IDUA: variants seen among roughly 807,000 people sequenced by gnomAD.
IDUA encodes the protein alpha-L-iduronidase.
In IDUA, 65 loss-of-function variants were observed where a neutral mutation model predicts 68.9. The observed-to-expected ratio is 0.94, with a 90% CI of 0.77 to 1.16. The LOEUF (loss-of-function observed/expected upper bound fraction) is 1.16, where lower values mean the gene tolerates loss of function less well. Among genes scored for constraint, IDUA ranks in the 50% most tolerant of loss-of-function variants. The pLI, the probability that IDUA is intolerant of heterozygous loss-of-function variation, is 0.00. For synonymous variants in IDUA, 529 were observed against 433.6 expected (o/e 1.22, Z -2.73); for missense variants, 1,046 against 938.0 (o/e 1.12, Z -1.50).
chr4:987,111 G>T lies in IDUA; in HGVS notation c.27G>T (p.Ala9=). 1 of 1,445,646 alleles carries T rather than the reference G, an allele frequency of 6.9e-7. No individual in the cohort carries two copies. The highest frequency in any genetic ancestry group is 2.5e-5 in the Admixed American group (1 of 39,448). 89.6% of individuals were successfully genotyped at this position (1,445,646 alleles called of 1,614,324 possible). The change falls in exon 1 of 14, where the codon GCG becomes GCT. Residue 9 remains alanine, a synonymous_variant. Coordinates refer to ENST00000514224, the MANE Select transcript of IDUA (RefSeq NM_000203.5). The part of the protein sequence containing the change: MRPLRPRA[A]LLALLASLLA... ...TGCGTCCCCTGCGCCCCCGCGCCGC[G>T]CTGCTGGCGCTCCTGGCCTCGCTCC...
At chr4:991,356 G>T (rs1276572099) in intron 2 of IDUA, 4 of 1,612,794 alleles carry the variant, frequency 2.5e-6, no homozygotes, top group Non-Finnish European at 3.4e-6. Context: ...GCCGTGAGGT[G>T]CCCATGAGGA....
rs748489351 is a variant in IDUA, at chr4:1,002,701, C to G, written c.1190-31C>G. 1,169 of 1,413,764 alleles carry G rather than the reference C, an allele frequency of 8.3e-4. 2 individuals are homozygous for G. The highest frequency in any genetic ancestry group is 8.4e-4 in the Non-Finnish European group (895 of 1,060,002). 87.6% of individuals were successfully genotyped at this position (1,413,764 alleles called of 1,614,324 possible). ...TCGGGGGGCGGCTGGGCAACGACCC[C>G]ACGCGGCGACGGCCCCCCCCCGCCC... On this transcript the variant is annotated intron_variant, in intron 8 of 13. Transcript: ENST00000514224.
At chr4:991,884 C>A in intron 2 of IDUA, 1 of 1,392,926 alleles carries the variant, frequency 7.2e-7, no homozygotes, top group Non-Finnish European at 9.8e-7. Flanking sequence ...CGGGCCCCAG[C>A]CCCCTGCCCG....
intron 2 of IDUA, chr4:999,872 G>A (rs372712494): frequency 1.3e-4 from 11 of 84,540 alleles, no homozygotes; most frequent in African/African-American, 3.9e-4. Flanking sequence ...TGCAGGCCTC[G>A]TGGGAATTCA....
At chr4:993,927 T>C (rs572108854) in intron 2 of IDUA, among the ~76,000 whole-genome samples, 109 of 152,294 alleles carry the variant, frequency 7.2e-4, no homozygotes, top group African/African-American at 2.6e-3. Flanking sequence ...GGGCGAGGAC[T>C]GCCGGGGTCA....
At chr4:1,000,789 C>T (rs1715024789) in intron 3 of IDUA, 92 bp downstream of exon 3, 1 of 1,459,984 alleles carries the variant, frequency 6.8e-7, no homozygotes, top group African/African-American at 1.4e-5. Context: ...CCTTGGATGT[C>T]CATTCAGGGC....
intron 2 of IDUA, chr4:990,983 C>T: frequency 1.2e-6 from 1 of 865,660 alleles, no homozygotes; most frequent in Non-Finnish European, 1.7e-6. Context: ...CCCCGGCACG[C>T]CCCAGCTCTG....
At chr4:989,930 G>C (rs1279070268) in intron 2 of IDUA, 2 of 1,558,248 alleles carry the variant, frequency 1.3e-6, no homozygotes, top group Non-Finnish European at 1.7e-6. Flanking sequence ...CGCTGCATCA[G>C]CCTGGGCTCT....
intron 4 of IDUA, 119 bp downstream of exon 4, chr4:1,001,108 C>A: frequency 1.3e-6 from 1 of 749,910 alleles, no homozygotes; most frequent in East Asian, 2.7e-5. Flanking sequence ...GGCGCAGGCC[C>A]TTGTGGGGGG....
At chr4:988,492 G>A in intron 2 of IDUA, 1 of 1,134,802 alleles carries the variant, frequency 8.8e-7, no homozygotes, top group South Asian at 3.1e-5. Context: ...CTTGGAGGCT[G>A]CATGATGGCG....
chr4:987,754 C>T (rs558717840), intron 1 of IDUA, 55 bp from the exon 2 acceptor site: 9 of 1,607,978 alleles, frequency 5.6e-6, no homozygotes, highest in South Asian at 1.1e-5. Flanking sequence ...GTGTGTCAGC[C>T]GCGCTGCCAG....
intron 2 of IDUA, among the ~76,000 whole-genome samples, chr4:995,562 T>C (rs1714696447): frequency 6.6e-6 from 1 of 152,182 alleles, no homozygotes; most frequent in African/African-American, 2.4e-5. Flanking sequence ...CCTGGCACCT[T>C]GGGCAGCCTG....
In IDUA at chr4:1,000,607, T is replaced by C. The variant is rs760649049; in HGVS notation, c.300-5T>C. ...TGCTTCCTGACGCTGACCGTCCTTC[T>C]GCAGGGGGTCCACTGGACGGGGCCT... On this transcript the variant is annotated splice_polypyrimidine_tract_variant and splice_region_variant and intron_variant, in intron 2 of 13. Coordinates refer to ENST00000514224, the MANE Select transcript of IDUA (RefSeq NM_000203.5). 3.1e-6 allele frequency: 5 copies of C among 1,610,764 alleles called. No individual in the cohort carries two copies. Among genetic ancestry groups the C allele is most frequent in the Non-Finnish European group, 4.2e-6 (5 of 1,178,202 alleles).
chr4:997,769 C>A (rs985807551), intron 2 of IDUA, among the ~76,000 whole-genome samples: 2 of 152,152 alleles, frequency 1.3e-5, no homozygotes, highest in Non-Finnish European at 2.9e-5. Flanking sequence ...GGCCCTCGGG[C>A]CTGTGGACTG....
rs1278153200 is a variant in IDUA at position 1,000,896 on chromosome 4, G to T, written c.400G>T (p.Gly134Cys). The change falls in exon 4 of 14, where the codon GGC becomes TGC. Residue 134 changes from glycine to cysteine, a missense_variant. Coordinates refer to ENST00000514224, the MANE Select transcript of IDUA (RefSeq NM_000203.5). The part of the protein sequence containing the change: ...NQLLPGFELM[G>C]SASGHFTDFE... Reference sequence around the variant, plus strand: ...CTGTGTTCCAGGGTTTGAGCTGATGGGCAGCGCCTCGGGCCACTTCACTGA... The same window carrying T: ...CTGTGTTCCAGGGTTTGAGCTGATGTGCAGCGCCTCGGGCCACTTCACTGA... 1 of 1,613,152 alleles carries T rather than the reference G, an allele frequency of 6.2e-7. No individual in the cohort carries two copies. The highest frequency in any genetic ancestry group is 8.5e-7 in the Non-Finnish European group (1 of 1,179,874).
chr4:1,003,904 G>A, intron 12 of IDUA, 108 bp from the exon 13 acceptor site: 3 of 987,766 alleles, frequency 3.0e-6, no homozygotes, highest in South Asian at 1.3e-5. Context: ...AGGTGCCGCC[G>A]AGGGGCTTGA....
intron 2 of IDUA, among the ~76,000 whole-genome samples, chr4:994,919 C>T (rs932927096): frequency 6.6e-6 from 1 of 152,078 alleles, no homozygotes; most frequent in South Asian, 2.1e-4. Flanking sequence ...GAGCAAGAGC[C>T]CGTCTCAAAA....
At position 1,002,089 on chromosome 4, in the gene IDUA, G is replaced by T; in HGVS notation, c.900G>T (p.Ala300=). The change falls in exon 7 of 14, where the codon GCG becomes GCT. Residue 300 remains alanine, a synonymous_variant. Transcript: ENST00000514224. ...ACACCCCCATTTACAACGACGAGGC[G>T]GACCCGCTGGTGGGCTGGTCCCTGC... ...FADTPIYNDE[A]DPLVGWSLPQ... The T allele has an allele frequency of 6.3e-7, 1 of 1,578,274 alleles. No homozygotes were observed. Among genetic ancestry groups the T allele is most frequent in the Non-Finnish European group, 8.6e-7 (1 of 1,163,264 alleles).
chr4:1,003,777 T>C, intron 12 of IDUA, 152 bp downstream of exon 12: 1 of 906,436 alleles, frequency 1.1e-6, no homozygotes, highest in East Asian at 2.6e-5. Flanking sequence ...CCCCACACAC[T>C]GTGGGCCACG....
Sources: gnomAD v4.1 joint callset for allele counts (sites outside exome capture counted in the v4.1 genomes callset) on GRCh38, gnomAD v4.1.1 for gene constraint, MANE v1.5 for transcripts, NCBI Gene and HGNC (gene_info 2026-07-23, HGNC 2026-07-21) for gene names.